Variants in PM20D2 observed in about 807,000 individuals in gnomAD.
PM20D2 encodes peptidase M20 domain containing 2, also known as xaa-Arg dipeptidase.
PM20D2 carries 33 observed loss-of-function variants against 42.9 expected under a neutral mutation model. The ratio of observed to expected loss-of-function variants is 0.77; its 90% CI spans 0.58 to 1.03. The LOEUF is 1.03. Among genes scored for constraint, PM20D2 ranks in the 50% least tolerant of loss-of-function variants. The probability of loss-of-function intolerance (pLI) is 0.00; values close to 1 mark genes in which losing one functional copy is unlikely to be tolerated. For missense variants in PM20D2, 548 were observed against 557.0 expected, an observed-to-expected ratio of 0.98 and a Z score of 0.16; for synonymous variants, 250 against 228.2, an observed-to-expected ratio of 1.10 and a Z score of -0.86.
chr6:89,126,770 C>G, the PM20D2 span, among the ~76,000 whole-genome samples: 1 of 151,588 alleles, frequency 6.6e-6, no homozygotes, highest in Non-Finnish European at 1.5e-5. Context: ...TGGCCCAGAC[C>G]ATACTCCCTA....
rs1771381124 is a variant in PM20D2 at position 89,165,248 on chromosome 6, A to T, written c.*2985A>T. On this transcript the variant is annotated 3_prime_UTR_variant, in exon 7 of 7. Coordinates refer to ENST00000275072, the MANE Select transcript of PM20D2 (RefSeq NM_001010853.3). Reference sequence around the variant, plus strand: ...AACTTTTTACCTGAGTTATCTCTTTAGTCTTTTGGAAAATACCCTACACAA... The same window carrying T: ...AACTTTTTACCTGAGTTATCTCTTTTGTCTTTTGGAAAATACCCTACACAA... 1 of 151,936 alleles carries T rather than the reference A, an allele frequency of 6.6e-6. No homozygotes were observed. The highest frequency in any genetic ancestry group is 1.5e-5 in the Non-Finnish European group (1 of 67,972). 9.4% of individuals were successfully genotyped at this position (151,936 alleles called of 1,614,324 possible).
chr6:89,124,736 G>GTTGTTTTT, the PM20D2 span, among the ~76,000 whole-genome samples: 103 of 108,456 alleles, frequency 9.5e-4, no homozygotes, highest in African/African-American at 3.1e-3. Context: ...TGCTGTTGTT[G>GTTGTTTTT]TTTTTTTTTT....
chr6:89,115,621 T>A, the PM20D2 span, among the ~76,000 whole-genome samples: 1 of 146,546 alleles, frequency 6.8e-6, no homozygotes, highest in Non-Finnish European at 1.5e-5. Flanking sequence ...TGGGGTTTTC[T>A]TTTTTCTTTC....
At chr6:89,118,018 C>T in the PM20D2 span, 16 of 943,700 alleles carry the variant, frequency 1.7e-5, 1 homozygote, top group Middle Eastern at 3.4e-4. Context: ...CTCAGCCCCG[C>T]CAGCGCGCAG....
the PM20D2 span, among the ~76,000 whole-genome samples, chr6:89,126,027 A>G: frequency 2.6e-5 from 4 of 152,066 alleles, no homozygotes; most frequent in Non-Finnish European, 5.9e-5. Context: ...TGGAGGTTGC[A>G]GTTAGCTGAG....
chr6:89,140,471 C>T, the PM20D2 span, among the ~76,000 whole-genome samples: 31 of 145,360 alleles, frequency 2.1e-4, no homozygotes, highest in Non-Finnish European at 3.7e-4. Context: ...TGTACACAGT[C>T]GAGGTGAACA....
chr6:89,098,067 T>A, the PM20D2 span: 1 of 152,836 alleles, frequency 6.5e-6, no homozygotes, highest in African/African-American at 2.4e-5. Context: ...ATATTCTACT[T>A]TTTGGAACAT....
chr6:89,142,650 A>AATTATT (rs555552169), upstream of PM20D2, among the ~76,000 whole-genome samples: 1 of 151,570 alleles, frequency 6.6e-6, no homozygotes, highest in African/African-American at 2.4e-5. Flanking sequence ...TTTCCCCCAC[A>AATTATT]ATTATTATTA....
rs1388264191 is a variant in PM20D2 at position 89,163,693 on chromosome 6, A to T, written c.*1430A>T. On this transcript the variant is annotated 3_prime_UTR_variant, in exon 7 of 7. Coordinates refer to ENST00000275072, the MANE Select transcript of PM20D2 (RefSeq NM_001010853.3). ...GGCTTAGTGCAAAGTTTAAAATTAT[A>T]TGATTCTTAAAATACTGAATTAGTT... 6 of 152,142 alleles carry T rather than the reference A, an allele frequency of 3.9e-5. No individual in the cohort carries two copies. In the East Asian group the frequency reaches 9.6e-4, roughly 24 times the overall value. 9.4% of individuals were successfully genotyped at this position (152,142 alleles called of 1,614,324 possible).
chr6:89,117,990 CGA>C, the PM20D2 span: 1 of 1,260,964 alleles, frequency 7.9e-7, no homozygotes, highest in African/African-American at 1.6e-5. Flanking sequence ...GCCCCCGGCG[CGA>C]CCCCCACCCC....
chr6:89,160,782 G>A (rs988020475), intron 5 of PM20D2, among the ~76,000 whole-genome samples: 3 of 152,174 alleles, frequency 2.0e-5, no homozygotes, highest in African/African-American at 7.2e-5. Context: ...TCACTTTATG[G>A]GAAGGTGAAG....
chr6:89,142,837 T>C (rs1158596409), upstream of PM20D2, among the ~76,000 whole-genome samples: 3 of 152,184 alleles, frequency 2.0e-5, no homozygotes, highest in African/African-American at 7.2e-5. Flanking sequence ...TTTTGTATTT[T>C]TTAGTAGAGA....
the PM20D2 span, among the ~76,000 whole-genome samples, chr6:89,100,961 C>T: frequency 1.3e-5 from 2 of 151,964 alleles, no homozygotes; most frequent in East Asian, 1.9e-4. Flanking sequence ...AAAAATTAGC[C>T]TGGCATGGTG....
At chr6:89,129,345 A>G in the PM20D2 span, among the ~76,000 whole-genome samples, 3 of 152,174 alleles carry the variant, frequency 2.0e-5, no homozygotes, top group East Asian at 5.8e-4. Flanking sequence ...GTGTTGAGCA[A>G]AAGAAGCCAG....
the PM20D2 span, among the ~76,000 whole-genome samples, chr6:89,137,991 G>A: frequency 2.7e-5 from 4 of 150,168 alleles, no homozygotes; most frequent in African/African-American, 9.8e-5. Flanking sequence ...AGCATACACT[G>A]TTCTACAATT....
intron 5 of PM20D2, 107 bp downstream of exon 5, chr6:89,158,567 C>G (rs1019970244): frequency 2.3e-6 from 3 of 1,283,710 alleles, no homozygotes; most frequent in Non-Finnish European, 3.2e-6. Flanking sequence ...GTACTACTGA[C>G]GTTTTTAATA....
chr6:89,147,441 T>C (rs1252081529), intron 1 of PM20D2, among the ~76,000 whole-genome samples: 1 of 152,182 alleles, frequency 6.6e-6, no homozygotes, highest in Non-Finnish European at 1.5e-5. Flanking sequence ...ACTACATCTT[T>C]TGTGGCTTTT....
chr6:89,146,074 T>TGCGCGGGCGGTCGCTAC lies in PM20D2; in HGVS notation c.-70_-54dup. The TGCGCGGGCGGTCGCTAC allele has an allele frequency of 3.1e-6, 4 of 1,308,482 alleles. No homozygotes were observed. Among genetic ancestry groups the TGCGCGGGCGGTCGCTAC allele is most frequent in the Non-Finnish European group, 3.9e-6 (4 of 1,019,190 alleles). 81.1% of individuals were successfully genotyped at this position (1,308,482 alleles called of 1,614,324 possible). A position where few individuals can be genotyped will look rare whatever the true frequency, so the allele number is the denominator to read the frequency against. ...GGGGTCCTGGAGGCCTCTGGGCGCG[T>TGCGCGGGCGGTCGCTAC]GCGCGGGCGGTCGCTACCTGCGGCC... On this transcript the variant is annotated 5_prime_UTR_variant, in exon 1 of 7. Coordinates refer to ENST00000275072, the MANE Select transcript of PM20D2 (RefSeq NM_001010853.3).
the PM20D2 span, among the ~76,000 whole-genome samples, chr6:89,119,288 A>G: frequency 6.6e-6 from 1 of 152,244 alleles, no homozygotes; most frequent in African/African-American, 2.4e-5. Flanking sequence ...ATACAGGGCT[A>G]TGAAAAGAAC....
Sources: allele counts gnomAD v4.1 joint callset (sites outside exome capture counted in the v4.1 genomes callset), GRCh38; gene constraint gnomAD v4.1.1; transcripts MANE v1.5; gene names NCBI Gene and HGNC (gene_info 2026-07-23, HGNC 2026-07-21).